Variants in FNBP1 observed in about 807,000 individuals in gnomAD.
FNBP1 encodes the protein formin binding protein 1.
Under a neutral mutation model 90.6 loss-of-function variants are expected in FNBP1, and 26 were observed. The observed-to-expected ratio is 0.29, with a 90% CI of 0.21 to 0.40. The LOEUF is 0.40. Ranked by LOEUF, FNBP1 falls within the 10% of genes least tolerant of loss-of-function variation. The pLI is 1.00. For missense variants in FNBP1, 635 were observed against 768.0 expected (o/e 0.83, Z 2.05); for synonymous variants, 260 against 265.2 (o/e 0.98, Z 0.19).
intron 1 of FNBP1, among the ~76,000 whole-genome samples, chr9:130,011,270 A>AT (rs1564569917): frequency 1.1e-3 from 10 of 9,166 alleles, no homozygotes; most frequent in Non-Finnish European, 2.4e-3. Context: ...ATATATATAA[A>AT]ATATATATAA....
At chr9:129,964,733 C>G (rs1369987364) in intron 4 of FNBP1, among the ~76,000 whole-genome samples, 2 of 151,934 alleles carry the variant, frequency 1.3e-5, no homozygotes, top group Non-Finnish European at 2.9e-5. Context: ...CACACAAATG[C>G]TATGAGAATG....
At chr9:129,924,107 T>C in intron 9 of FNBP1, 81 bp from the exon 10 acceptor site, 2 of 1,383,242 alleles carry the variant, frequency 1.4e-6, no homozygotes, top group South Asian at 2.8e-5. Flanking sequence ...TCAAATAATA[T>C]TTGAAATCCA....
intron 6 of FNBP1, among the ~76,000 whole-genome samples, chr9:129,934,143 T>G (rs1336644091): frequency 6.6e-6 from 1 of 152,230 alleles, no homozygotes; most frequent in Non-Finnish European, 1.5e-5. Context: ...ATAAGCATCA[T>G]GACTTCTCAT....
chr9:129,887,775 T>C lies in FNBP1; in HGVS notation c.*2764A>G, dbSNP rs895518126. The C allele has an allele frequency of 2.7e-4, 62 of 228,014 alleles. 3 individuals are homozygous for C. Among genetic ancestry groups the C allele is most frequent in the Non-Finnish European group, 1.7e-5 (2 of 114,856 alleles). The allele number at this position is 228,014 out of a possible 1,614,324, so 14.1% of individuals were successfully genotyped here. ...AAGAACTTTTCAGGGCAGGTTCTTTTAAAATTAGTCATCTTACAACACAAC... is the reference window on the plus strand; with the variant it reads ...AAGAACTTTTCAGGGCAGGTTCTTTCAAAATTAGTCATCTTACAACACAAC... On this transcript the variant is annotated 3_prime_UTR_variant, in exon 17 of 17. Transcript: ENST00000446176.
intron 1 of FNBP1, among the ~76,000 whole-genome samples, chr9:130,019,917 A>AAAAAC (rs1411457830): frequency 6.6e-6 from 1 of 152,032 alleles, no homozygotes; most frequent in Admixed American, 6.6e-5. Flanking sequence ...TCATTAGATT[A>AAAAAC]AAAACAAAAC....
Position 129,957,042 on chromosome 9 carries a change from C to CTTT in FNBP1, c.513+315_513+317dup, listed in dbSNP as rs34387590. Among the ~76,000 whole-genome samples, 3 of 143,852 alleles carry CTTT rather than the reference C, an allele frequency of 2.1e-5. No homozygotes were observed. The highest frequency in any genetic ancestry group is 1.5e-5 in the Non-Finnish European group (1 of 66,078). The allele number at this position is 143,852 out of a possible 152,430, so 94.4% of individuals were successfully genotyped here. On this transcript the variant is annotated intron_variant, in intron 6 of 16. Coordinates refer to ENST00000446176, the MANE Select transcript of FNBP1 (RefSeq NM_015033.3). The surrounding 1 kb of genome is among the most constrained non-coding windows in gnomAD (Gnocchi z 4.3). ...AAGACACACTTGAGCTTTCTTTTGT[C>CTTT]TTTTTTTTTTTTTGGCGATAGTTTC...
At chr9:129,944,800 G>A (rs57332061) in intron 6 of FNBP1, among the ~76,000 whole-genome samples, 4 of 152,066 alleles carry the variant, frequency 2.6e-5, no homozygotes, top group South Asian at 2.1e-4. Flanking sequence ...ATTTGTAAGC[G>A]ACAGAAACAA....
chr9:129,915,548 G>C (rs1480188088), intron 11 of FNBP1, among the ~76,000 whole-genome samples: 1 of 152,070 alleles, frequency 6.6e-6, no homozygotes, highest in Non-Finnish European at 1.5e-5. Flanking sequence ...GTTTTTTGTA[G>C]AGATGGGGTT....
chr9:129,968,231 C>G (rs1334290033), intron 4 of FNBP1, among the ~76,000 whole-genome samples: 2 of 151,766 alleles, frequency 1.3e-5, no homozygotes, highest in Non-Finnish European at 2.9e-5. Flanking sequence ...CTCGTCTGTA[C>G]TAAAAATACA....
At chr9:129,905,054 G>A (rs1036911342) in intron 12 of FNBP1, among the ~76,000 whole-genome samples, 1 of 151,606 alleles carries the variant, frequency 6.6e-6, no homozygotes, top group African/African-American at 2.4e-5. Flanking sequence ...CAAGTGTAAT[G>A]TTGTCCACCC....
chr9:129,999,615 A>T (rs1417016887), intron 1 of FNBP1, among the ~76,000 whole-genome samples: 2 of 151,882 alleles, frequency 1.3e-5, no homozygotes, highest in Non-Finnish European at 2.9e-5. Flanking sequence ...AAAAAAAATC[A>T]TTGAGAATTC....
At chr9:130,048,845 A>G in the FNBP1 span, among the ~76,000 whole-genome samples, 8 of 143,504 alleles carry the variant, frequency 5.6e-5, no homozygotes, top group Non-Finnish European at 1.2e-4. Context: ...CAGTGGCGCC[A>G]TCTCCGCTCA....
chr9:130,053,697 C>T, the FNBP1 span: 1 of 562,638 alleles, frequency 1.8e-6, no homozygotes, highest in East Asian at 3.2e-5. Flanking sequence ...ATGGCAACCG[C>T]CAATAGGTTG....
chr9:130,014,626 T>C (rs1476210743), intron 1 of FNBP1, among the ~76,000 whole-genome samples: 1 of 152,174 alleles, frequency 6.6e-6, no homozygotes, highest in African/African-American at 2.4e-5. Flanking sequence ...CATATTATTC[T>C]ATACATACAT....
rs538716152 is a variant in FNBP1 at position 129,906,009 on chromosome 9, G to A, written c.1295+2881C>T. 5.3e-5 allele frequency among the ~76,000 whole-genome samples: 8 copies of A among 151,392 alleles called. No individual in the cohort carries two copies. The South Asian group carries it at 6.3e-4, about 12-fold the overall frequency. On this transcript the variant is annotated intron_variant, in intron 12 of 16. Coordinates refer to ENST00000446176, the MANE Select transcript of FNBP1 (RefSeq NM_015033.3). ...AGCGACTCTCCTGCCTCATCCTCCC[G>A]AGTAGCTGGGATTACAGACATGCGC...
chr9:129,898,565 A>G (rs1367226892), intron 15 of FNBP1, among the ~76,000 whole-genome samples: 1 of 151,594 alleles, frequency 6.6e-6, no homozygotes, highest in Non-Finnish European at 1.5e-5. Flanking sequence ...ACCTCGGCTC[A>G]CTGCCACCTC....
At chr9:129,969,975 G>A (rs551296085) in intron 4 of FNBP1, among the ~76,000 whole-genome samples, 6 of 146,072 alleles carry the variant, frequency 4.1e-5, no homozygotes, top group Admixed American at 3.5e-4. Flanking sequence ...TGCAAGTTCC[G>A]CTTCCCAGGT....
At chr9:129,995,964 A>G (rs1049194850) in intron 1 of FNBP1, among the ~76,000 whole-genome samples, 3 of 152,124 alleles carry the variant, frequency 2.0e-5, no homozygotes, top group Admixed American at 6.6e-5. Flanking sequence ...CACAGAAGGG[A>G]AGAATTCTAG....
intron 3 of FNBP1, 108 bp from the exon 4 acceptor site, chr9:129,978,720 C>A: frequency 9.6e-7 from 1 of 1,043,238 alleles, no homozygotes; most frequent in Non-Finnish European, 1.4e-6. Context: ...TGGCATCCAC[C>A]TCCCATAGGA....
Sources: allele counts gnomAD v4.1 joint callset (sites outside exome capture counted in the v4.1 genomes callset), GRCh38; gene constraint gnomAD v4.1.1; non-coding constraint Gnocchi (gnomAD v3.1); transcripts MANE v1.5; gene names NCBI Gene and HGNC (gene_info 2026-07-23, HGNC 2026-07-21).